Variants in RBFOX3 observed in about 807,000 individuals in gnomAD.
RBFOX3 encodes the protein RNA binding fox-1 homolog 3.
A neutral mutation model predicts 48.7 loss-of-function variants in RBFOX3; 17 were observed. The ratio of observed to expected loss-of-function variants is 0.35; its 90% CI spans 0.24 to 0.52. The LOEUF is 0.52. Among genes scored for constraint, RBFOX3 ranks in the 20% least tolerant of loss-of-function variants. The probability of loss-of-function intolerance (pLI) is 0.94; values close to 1 mark genes in which losing one functional copy is unlikely to be tolerated. For synonymous variants in RBFOX3, 212 were observed against 209.5 expected, an observed-to-expected ratio of 1.01 and a Z score of -0.10; for missense variants, 382 against 497.5, an observed-to-expected ratio of 0.77 and a Z score of 2.21.
intron 3 of RBFOX3, among the ~76,000 whole-genome samples, chr17:79,297,717 G>T (rs2074625919): frequency 6.6e-6 from 1 of 152,228 alleles, no homozygotes; most frequent in African/African-American, 2.4e-5. Flanking sequence ...CAGTCCATAG[G>T]TCCCAGCCCA....
chr17:79,488,117 G>C (rs1218159696), intron 1 of RBFOX3, among the ~76,000 whole-genome samples: 3 of 152,042 alleles, frequency 2.0e-5, no homozygotes, highest in African/African-American at 7.2e-5. Flanking sequence ...CACACTCACA[G>C]CCTCCTGTGC....
rs1441784194 is a variant in RBFOX3, at chr17:79,477,454, G to C, written c.-175+5000C>G. Among the ~76,000 whole-genome samples, 1 of 151,908 alleles carries C rather than the reference G, an allele frequency of 6.6e-6. No homozygotes were observed. Among genetic ancestry groups the C allele is most frequent in the Non-Finnish European group, 1.5e-5 (1 of 67,984 alleles). On this transcript the variant is annotated intron_variant, in intron 2 of 14. Coordinates refer to ENST00000693108, the MANE Select transcript of RBFOX3 (RefSeq NM_001350451.2). The surrounding 1 kb of genome is among the most constrained non-coding windows in gnomAD (Gnocchi z 4.8). ...GCCTGTAGTCCCAGCTACTTGGGAG[G>C]CTGAGGCAGGAGAATGGCGTGAACC...
intron 1 of RBFOX3, among the ~76,000 whole-genome samples, chr17:79,518,315 A>C (rs1599023385): frequency 6.6e-6 from 1 of 152,234 alleles, no homozygotes; most frequent in East Asian, 1.9e-4. Flanking sequence ...AAGCGCACAG[A>C]CCCACTATAT....
chr17:79,457,822 G>A (rs886913898), intron 2 of RBFOX3, among the ~76,000 whole-genome samples: 6 of 152,242 alleles, frequency 3.9e-5, no homozygotes, highest in Non-Finnish European at 8.8e-5. Context: ...GAAACGGAAC[G>A]TGACCTCTAA....
intron 1 of RBFOX3, among the ~76,000 whole-genome samples, chr17:79,518,923 T>G (rs1428910970): frequency 6.6e-6 from 1 of 152,138 alleles, no homozygotes; most frequent in Non-Finnish European, 1.5e-5. Flanking sequence ...AATAGAACAT[T>G]TCCTCCAAAT....
intron 1 of RBFOX3, chr17:79,597,933 T>C (rs1317190821): frequency 6.6e-6 from 1 of 152,322 alleles, no homozygotes; most frequent in African/African-American, 2.4e-5. Context: ...ATTTTTGGAC[T>C]GCATGGGCCA....
chr17:79,178,419 G>A (rs2051096925), intron 4 of RBFOX3, among the ~76,000 whole-genome samples: 1 of 152,204 alleles, frequency 6.6e-6, no homozygotes, highest in Non-Finnish European at 1.5e-5. Context: ...GTTGGAAAAG[G>A]ACCAGAACTT....
intron 2 of RBFOX3, among the ~76,000 whole-genome samples, chr17:79,396,398 T>TA (rs1220191710): frequency 2.6e-5 from 4 of 152,226 alleles, no homozygotes; most frequent in Admixed American, 2.0e-4. Context: ...CCTTGCCCTT[T>TA]AAAATGCAGC....
Position 79,520,656 on chromosome 17 carries a change from G to T in RBFOX3, c.-319-38058C>A, listed in dbSNP as rs915987048. On this transcript the variant is annotated intron_variant, in intron 1 of 14. Coordinates refer to ENST00000693108, the MANE Select transcript of RBFOX3 (RefSeq NM_001350451.2). ...CCTGAGCCTGACATCTCGGCCTGGG[G>T]ACAGCCGGCGCCACCCTGCAAAGAG... Among the ~76,000 whole-genome samples the T allele has an allele frequency of 2.6e-5, 4 of 152,356 alleles. No homozygotes were observed. In the South Asian group the frequency reaches 8.3e-4, roughly 32 times the overall value.
intron 2 of RBFOX3, among the ~76,000 whole-genome samples, chr17:79,382,536 G>A (rs1341709205): frequency 1.3e-5 from 2 of 151,126 alleles, no homozygotes; most frequent in Non-Finnish European, 3.0e-5. Context: ...AGGCTGACAC[G>A]GGCAGGCGGG....
intron 1 of RBFOX3, among the ~76,000 whole-genome samples, chr17:79,502,863 C>A (rs1044730500): frequency 2.8e-4 from 42 of 152,340 alleles, no homozygotes; most frequent in Middle Eastern, 3.4e-3. Flanking sequence ...GGGGACCCTG[C>A]CGCCACCACC....
At chr17:79,365,419 T>G (rs973813345) in intron 2 of RBFOX3, among the ~76,000 whole-genome samples, 1 of 152,216 alleles carries the variant, frequency 6.6e-6, no homozygotes, top group African/African-American at 2.4e-5. Flanking sequence ...AAAATGAAAC[T>G]GTTAAAGAAT....
intron 3 of RBFOX3, among the ~76,000 whole-genome samples, chr17:79,297,933 CGT>C (rs2074662123): frequency 6.6e-6 from 1 of 152,210 alleles, no homozygotes; most frequent in Non-Finnish European, 1.5e-5. Flanking sequence ...ACCAACAACG[CGT>C]GTGTCTGGGA....
chr17:79,610,858 G>C lies in RBFOX3; in HGVS notation c.-352C>G, dbSNP rs1052500091. Among the ~76,000 whole-genome samples the C allele has an allele frequency of 2.0e-5, 3 of 151,788 alleles. No homozygotes were observed. The highest frequency in any genetic ancestry group is 7.2e-5 in the African/African-American group (3 of 41,400). ...GCGCTCCCCGCGGCAGGTGACTGGG[G>C]GCCGGCGGCCATGCCCCGGCTGCAT... On this transcript the variant is annotated 5_prime_UTR_variant, in exon 1 of 15. Transcript: ENST00000693108.
At chr17:79,544,146 G>A (rs2090086493) in intron 1 of RBFOX3, among the ~76,000 whole-genome samples, 1 of 152,210 alleles carries the variant, frequency 6.6e-6, no homozygotes, top group African/African-American at 2.4e-5. Context: ...TGTTGCAAGA[G>A]AGGAAACTGA....
chr17:79,517,973 G>A (rs1195939723), intron 1 of RBFOX3, among the ~76,000 whole-genome samples: 2 of 152,096 alleles, frequency 1.3e-5, no homozygotes, highest in African/African-American at 4.8e-5. Context: ...CGGAGAAACC[G>A]AACGAGACTC....
chr17:79,277,300 G>A (rs1208455402), intron 3 of RBFOX3, among the ~76,000 whole-genome samples: 1 of 84,346 alleles, frequency 1.2e-5, no homozygotes, highest in African/African-American at 4.6e-5. Context: ...TCCAATGGTG[G>A]GGAGGGGGGG....
Position 79,477,360 on chromosome 17 carries a change from T to C in RBFOX3, c.-175+5094A>G, listed in dbSNP as rs1331208376. Among the ~76,000 whole-genome samples the C allele has an allele frequency of 2.7e-5, 4 of 145,998 alleles. No homozygotes were observed. Among genetic ancestry groups the C allele is most frequent in the East Asian group, 4.1e-4 (2 of 4,876 alleles). ...TCACGAGGTCAGGAGATCGAGATCA[T>C]CCTGGCTAACACGGTGAAACCCCGT... On this transcript the variant is annotated intron_variant, in intron 2 of 14. Coordinates refer to ENST00000693108, the MANE Select transcript of RBFOX3 (RefSeq NM_001350451.2). The surrounding 1 kb of genome is among the most constrained non-coding windows in gnomAD (Gnocchi z 4.8).
chr17:79,346,606 C>T (rs117478925), intron 2 of RBFOX3, among the ~76,000 whole-genome samples: 2,189 of 152,230 alleles, frequency 0.014, 49 homozygotes, highest in Admixed American at 0.058. Context: ...TCTTCTATAT[C>T]GTCATTTGAT....
Sources: allele counts gnomAD v4.1 joint callset (sites outside exome capture counted in the v4.1 genomes callset), GRCh38; gene constraint gnomAD v4.1.1; non-coding constraint Gnocchi (gnomAD v3.1); transcripts MANE v1.5; gene names NCBI Gene and HGNC (gene_info 2026-07-23, HGNC 2026-07-21).